Variants in RABGEF1 observed in about 807,000 individuals in gnomAD.
RABGEF1 encodes the protein RAB guanine nucleotide exchange factor 1.
RABGEF1 carries 26 observed loss-of-function variants against 57.3 expected under a neutral mutation model. The ratio of observed to expected loss-of-function variants is 0.45; its 90% confidence interval spans 0.33 to 0.63. The LOEUF (loss-of-function observed/expected upper bound fraction) is 0.63, where lower values mean the gene tolerates loss of function less well. Among genes scored for constraint, RABGEF1 ranks in the 20% least tolerant of loss-of-function variants. The pLI is 0.02. For missense variants in RABGEF1, 464 were observed against 607.6 expected (o/e 0.76, Z 2.48); for synonymous variants, 185 against 210.7 (o/e 0.88, Z 1.06).
intron 3 of RABGEF1, 23 bp from the exon 4 acceptor site, chr7:66,783,652 A>C: frequency 1.9e-6 from 3 of 1,577,626 alleles, no homozygotes; most frequent in Non-Finnish European, 2.6e-6. Flanking sequence ...CATGAAACTT[A>C]CTATGTTTAA....
the RABGEF1 span, among the ~76,000 whole-genome samples, chr7:66,662,407 T>C: frequency 6.6e-6 from 1 of 152,162 alleles, no homozygotes; most frequent in Non-Finnish European, 1.5e-5. Flanking sequence ...GCAGTGAGAC[T>C]GGGGTGATCA....
At chr7:66,679,946 G>A (rs1789578879), upstream of RABGEF1, among the ~76,000 whole-genome samples, 1 of 152,198 alleles carries the variant, frequency 6.6e-6, no homozygotes, top group Non-Finnish European at 1.5e-5. Context: ...GGAGGCTGAG[G>A]CAAAAGGATC....
At chr7:66,753,325 G>A (rs539356694) in intron 1 of RABGEF1, among the ~76,000 whole-genome samples, 1 of 152,314 alleles carries the variant, frequency 6.6e-6, no homozygotes, top group South Asian at 2.1e-4. Flanking sequence ...TAAAGAACAG[G>A]TGTTGCTGTG....
intron 6 of RABGEF1, among the ~76,000 whole-genome samples, chr7:66,798,849 C>G (rs1350896539): frequency 2.6e-5 from 4 of 152,158 alleles, no homozygotes; most frequent in Non-Finnish European, 5.9e-5. Context: ...GTAGTCCCGG[C>G]TGCTTGGGAG....
chr7:66,673,516 G>A, the RABGEF1 span, among the ~76,000 whole-genome samples: 1 of 151,136 alleles, frequency 6.6e-6, no homozygotes, highest in Non-Finnish European at 1.5e-5. Context: ...TTATGACATA[G>A]AGATAAGATA....
chr7:66,682,712 G>GA (rs1789963422), intron 1 of RABGEF1, among the ~76,000 whole-genome samples: 2 of 151,898 alleles, frequency 1.3e-5, no homozygotes, highest in South Asian at 4.2e-4. Context: ...GCCGCGGCAG[G>GA]GCGCCGGGAT....
At chr7:66,713,246 A>G (rs574474251) in intron 2 of RABGEF1, among the ~76,000 whole-genome samples, 75 of 148,078 alleles carry the variant, frequency 5.1e-4, no homozygotes, top group African/African-American at 1.8e-3. Context: ...GGTTCATGCC[A>G]TTCTTCTGCC....
the RABGEF1 span, among the ~76,000 whole-genome samples, chr7:66,674,888 T>C: frequency 2.0e-3 from 305 of 152,058 alleles, 4 homozygotes; most frequent in African/African-American, 6.4e-3. Flanking sequence ...TTCATACTTA[T>C]AAAAATTGAA....
chr7:66,733,820 T>C (rs913223616), intron 2 of RABGEF1, among the ~76,000 whole-genome samples: 14 of 152,024 alleles, frequency 9.2e-5, no homozygotes, highest in African/African-American at 2.7e-4. Flanking sequence ...CCAGTGAACA[T>C]AGTGAAACCC....
rs575382953 is a variant in RABGEF1, at chr7:66,731,418, T to C, written c.-814-8578T>C. On this transcript the variant is annotated intron_variant and NMD_transcript_variant, in intron 2 of 9. Coordinates refer to the RABGEF1 transcript ENST00000607882. Reference sequence around the variant, plus strand: ...TCTAAGAGCATGAACGCCTGGCTGGTAAATAAGGATCTTGGAGGCTGTGCA... The same window carrying C: ...TCTAAGAGCATGAACGCCTGGCTGGCAAATAAGGATCTTGGAGGCTGTGCA... Among the ~76,000 whole-genome samples, 95 of 151,976 alleles carry C rather than the reference T, an allele frequency of 6.3e-4. 1 individual carries two copies. Among genetic ancestry groups the C allele is most frequent in the Non-Finnish European group, 1.0e-3 (68 of 67,984 alleles).
intron 2 of RABGEF1, among the ~76,000 whole-genome samples, chr7:66,722,884 C>G (rs117040222): frequency 0.015 from 2,224 of 152,286 alleles, 59 homozygotes; most frequent in East Asian, 0.092. Flanking sequence ...GGATTATTGG[C>G]ATTTTAACAA....
At chr7:66,670,188 T>A in the RABGEF1 span, among the ~76,000 whole-genome samples, 1 of 152,168 alleles carries the variant, frequency 6.6e-6, no homozygotes, top group Non-Finnish European at 1.5e-5. Context: ...AATTTCACTG[T>A]CCCCTAGTTC....
At chr7:66,794,124 C>A (rs1190108763) in intron 4 of RABGEF1, among the ~76,000 whole-genome samples, 2 of 151,222 alleles carry the variant, frequency 1.3e-5, no homozygotes, top group Non-Finnish European at 2.9e-5. Flanking sequence ...TATGGGCTGA[C>A]TCTTGACTAA....
chr7:66,677,757 G>A (rs1444734942), upstream of RABGEF1, among the ~76,000 whole-genome samples: 80 of 122,316 alleles, frequency 6.5e-4, 1 homozygote, highest in Admixed American at 5.3e-3. Flanking sequence ...GCAAGACTCC[G>A]TCTCAAAAAA....
At chr7:66,727,394 C>T (rs1796711950) in intron 2 of RABGEF1, among the ~76,000 whole-genome samples, 1 of 152,190 alleles carries the variant, frequency 6.6e-6, no homozygotes, top group Non-Finnish European at 1.5e-5. Context: ...GCCACCCCAT[C>T]CCATGGCATT....
At chr7:66,683,951 C>T (rs188215078) in intron 1 of RABGEF1, among the ~76,000 whole-genome samples, 65 of 152,206 alleles carry the variant, frequency 4.3e-4, no homozygotes, top group African/African-American at 1.5e-3. Context: ...GCGTTGCCCA[C>T]GCTGGTCTTG....
At chr7:66,700,235 G>A (rs548803858) in intron 1 of RABGEF1, among the ~76,000 whole-genome samples, 30 of 152,366 alleles carry the variant, frequency 2.0e-4, no homozygotes, top group Non-Finnish European at 3.7e-4. Context: ...GCCCCACTGC[G>A]ATGGGGCCAG....
the RABGEF1 span, among the ~76,000 whole-genome samples, chr7:66,659,400 C>T: frequency 1.3e-5 from 2 of 150,562 alleles, no homozygotes; most frequent in African/African-American, 4.9e-5. Context: ...GGCTGTGAGC[C>T]GACATTGCGC....
chr7:66,655,125 C>G, the RABGEF1 span, among the ~76,000 whole-genome samples: 1 of 152,218 alleles, frequency 6.6e-6, no homozygotes, highest in Non-Finnish European at 1.5e-5. Flanking sequence ...CTTGATCCCC[C>G]GTCGCCCTGG....
Sources: allele counts gnomAD v4.1 joint callset (sites outside exome capture counted in the v4.1 genomes callset), GRCh38; gene constraint gnomAD v4.1.1; transcripts MANE v1.5; gene names NCBI Gene and HGNC (gene_info 2026-07-23, HGNC 2026-07-21).